SRGAP2: variants seen among roughly 807,000 people sequenced by gnomAD.
The protein encoded by SRGAP2 is SLIT-ROBO Rho GTPase activating protein 2, also known as SLIT-ROBO Rho GTPase-activating protein 2.
In SRGAP2, 15 loss-of-function variants were observed where a neutral mutation model predicts 57.2. The observed-to-expected ratio is 0.26, with a 90% CI of 0.18 to 0.40. The LOEUF is 0.40. SRGAP2 is among the 10% of genes least tolerant of loss of function. The pLI is 1.00. For synonymous variants in SRGAP2, 249 were observed against 248.0 expected, an observed-to-expected ratio of 1.00 and a Z score of -0.04; for missense variants, 520 against 669.6, an observed-to-expected ratio of 0.78 and a Z score of 2.47.
rs1374529758 is a variant in SRGAP2, at chr1:206,464,352, G to A, written c.*2932G>A. 5 of 152,648 alleles carry A rather than the reference G, an allele frequency of 3.3e-5. No individual in the cohort carries two copies. The highest frequency in any genetic ancestry group is 2.6e-4 in the Admixed American group (4 of 15,286). 9.5% of individuals were successfully genotyped at this position (152,648 alleles called of 1,614,324 possible). A position where few individuals can be genotyped will look rare whatever the true frequency, so the allele number is the denominator to read the frequency against. On this transcript the variant is annotated 3_prime_UTR_variant, in exon 23 of 23. Transcript: ENST00000573034. ...ATGTATGCTTGGAGATGCTTTGTGT[G>A]AACCTAAGACTGTCACTCAACAGAT... is the stretch of plus-strand genomic sequence containing the variant.
chr1:206,415,085 T>C (rs1158696487), intron 10 of SRGAP2, among the ~76,000 whole-genome samples: 7 of 152,218 alleles, frequency 4.6e-5, no homozygotes, highest in African/African-American at 1.4e-4. Flanking sequence ...AGTGCTCTCA[T>C]GTGTAAAATG....
At chr1:206,343,040 TG>T (rs200747107) in intron 4 of SRGAP2, 32 bp downstream of exon 4, 14,574 of 927,098 alleles carry the variant, frequency 0.016, 183 homozygotes, top group South Asian at 0.031. Flanking sequence ...CAGAGGTTCT[TG>T]GGTGGAGCAA....
chr1:206,204,839 C>CAATG (rs1665742814), intron 1 of SRGAP2: 1 of 132,852 alleles, frequency 7.5e-6, no homozygotes, highest in Admixed American at 7.3e-5. Context: ...AACCCGTTTC[C>CAATG]TGCTTCAGCT....
chr1:206,426,431 C>G (rs12070534), intron 13 of SRGAP2, among the ~76,000 whole-genome samples: 3,511 of 152,212 alleles, frequency 0.023, 55 homozygotes, highest in African/African-American at 0.039. Context: ...AGCAATAAAC[C>G]TGAGAGTGCA....
chr1:206,449,286 A>ATTTTTTTGTTTTTTTT (rs1489255492), intron 18 of SRGAP2, among the ~76,000 whole-genome samples: 2 of 110,680 alleles, frequency 1.8e-5, no homozygotes, highest in African/African-American at 3.7e-5. Flanking sequence ...ACACTGGATG[A>ATTTTTTTGTTTTTTTT]TTTTTTTTTT....
intron 10 of SRGAP2, among the ~76,000 whole-genome samples, chr1:206,411,919 C>T (rs549018967): frequency 5.0e-4 from 76 of 152,276 alleles, no homozygotes; most frequent in African/African-American, 1.8e-3. Context: ...TATAAAGGAA[C>T]ACCTTTCTGA....
intron 2 of SRGAP2, among the ~76,000 whole-genome samples, chr1:206,234,372 C>G (rs547622047): frequency 6.6e-6 from 1 of 152,162 alleles, no homozygotes; most frequent in Non-Finnish European, 1.5e-5. Context: ...GAGCACTGAG[C>G]CTCAGGCACT....
intron 4 of SRGAP2, among the ~76,000 whole-genome samples, chr1:206,376,611 GATT>G (rs1268417087): frequency 6.8e-6 from 1 of 147,130 alleles, no homozygotes; most frequent in Non-Finnish European, 1.5e-5. Flanking sequence ...ACTTTATGTG[GATT>G]ATCTCACTAT....
chr1:206,242,490 CT>C (rs1458617771), intron 2 of SRGAP2, among the ~76,000 whole-genome samples: 2 of 122,312 alleles, frequency 1.6e-5, no homozygotes, highest in Non-Finnish European at 3.4e-5. Flanking sequence ...ATAGTCTGGT[CT>C]AAAATATAAA....
chr1:206,372,956 TTTTCTTTCCTTTC>T lies in SRGAP2; in HGVS notation c.424-11049_424-11037del, dbSNP rs1239922926. ...CTTTCTTTCTTTCTTTCTTTCTTTCTTTTCTTTCCTTTCTTTCTTTCTTTCTTTCTTTCTTTCT... is the reference window on the plus strand; with the variant it reads ...CTTTCTTTCTTTCTTTCTTTCTTTCTTTTCTTTCTTTCTTTCTTTCTTTCT... On this transcript the variant is annotated intron_variant, in intron 4 of 22. Coordinates refer to ENST00000573034, the MANE Select transcript of SRGAP2 (RefSeq NM_015326.5). Among the ~76,000 whole-genome samples the T allele has an allele frequency of 4.3e-4, 4 of 9,230 alleles. 1 individual carries two copies. Among genetic ancestry groups the T allele is most frequent in the Non-Finnish European group, 8.0e-4 (4 of 5,018 alleles). The allele number at this position is 9,230 out of a possible 152,430, so 6.1% of individuals were successfully genotyped here. A position where few individuals can be genotyped will look rare whatever the true frequency, so the allele number is the denominator to read the frequency against.
intron 3 of SRGAP2, among the ~76,000 whole-genome samples, chr1:206,307,744 C>T (rs1160004629): frequency 3.3e-5 from 5 of 152,194 alleles, no homozygotes; most frequent in African/African-American, 1.2e-4. Context: ...CCGGCTGCTC[C>T]GAGTGCGGGG....
At chr1:206,252,290 C>T (rs1353171232) in intron 2 of SRGAP2, among the ~76,000 whole-genome samples, 7 of 151,452 alleles carry the variant, frequency 4.6e-5, no homozygotes, top group Admixed American at 2.0e-4. Context: ...TTTTTTTCCC[C>T]CAGTAACAGT....
chr1:206,443,096 T>C (rs1215478061), intron 17 of SRGAP2, among the ~76,000 whole-genome samples: 2 of 152,174 alleles, frequency 1.3e-5, no homozygotes, highest in African/African-American at 2.4e-5. Flanking sequence ...AAGTGCATGC[T>C]AAAAAGTAAG....
intron 4 of SRGAP2, among the ~76,000 whole-genome samples, chr1:206,363,454 A>T (rs1341792586): frequency 2.6e-5 from 4 of 152,228 alleles, no homozygotes; most frequent in Non-Finnish European, 5.9e-5. Flanking sequence ...TAAGCACAGT[A>T]CAATGATCAA....
At chr1:206,448,258 G>A (rs1337086890) in intron 18 of SRGAP2, among the ~76,000 whole-genome samples, 1 of 152,160 alleles carries the variant, frequency 6.6e-6, no homozygotes, top group Non-Finnish European at 1.5e-5. Context: ...AGAGCACCAG[G>A]CCACATGGCC....
At chr1:206,263,774 TAATA>T (rs1669713400) in intron 2 of SRGAP2, among the ~76,000 whole-genome samples, 1 of 152,142 alleles carries the variant, frequency 6.6e-6, no homozygotes, top group African/African-American at 2.4e-5. Context: ...GAGGGAGACA[TAATA>T]AATAAACAAA....
Position 206,463,854 on chromosome 1 carries a change from C to G in SRGAP2, c.*2434C>G, listed in dbSNP as rs964148179. 2 of 152,656 alleles carry G rather than the reference C, an allele frequency of 1.3e-5. No individual in the cohort carries two copies. The highest frequency in any genetic ancestry group is 6.5e-5 in the Admixed American group (1 of 15,284). 9.5% of individuals were successfully genotyped at this position (152,656 alleles called of 1,614,324 possible). On this transcript the variant is annotated 3_prime_UTR_variant, in exon 23 of 23. Transcript: ENST00000573034. ...GAGGTTGCACACTGTGATTTTTACA[C>G]CGAAAAGCCAAAAGGAGCTGGCCAT... is the stretch of plus-strand genomic sequence containing the variant.
chr1:206,305,924 T>A (rs1183600376), intron 3 of SRGAP2, among the ~76,000 whole-genome samples: 1 of 151,926 alleles, frequency 6.6e-6, no homozygotes, highest in African/African-American at 2.4e-5. Context: ...CTCTTTATGA[T>A]AAGAGAATCA....
At position 206,276,817 on chromosome 1, in the gene SRGAP2, C is replaced by T. The variant is rs1160070783; in HGVS notation, c.68-26464C>T. The stretch of plus-strand genomic sequence containing the variant: ...CTTTTATTTTGTTTTTAGGGTGGTG[C>T]CCTTCCCACAGGGAAGCAAGCTGCG... On this transcript the variant is annotated intron_variant, in intron 2 of 22. Coordinates refer to ENST00000573034, the MANE Select transcript of SRGAP2 (RefSeq NM_015326.5). Among the ~76,000 whole-genome samples the T allele has an allele frequency of 5.9e-5, 9 of 152,242 alleles. No homozygotes were observed. The East Asian group carries it at 1.7e-3, about 29-fold the overall frequency.
Sources: gnomAD v4.1 joint callset for allele counts (sites outside exome capture counted in the v4.1 genomes callset) on GRCh38, gnomAD v4.1.1 for gene constraint, MANE v1.5 for transcripts, NCBI Gene and HGNC (gene_info 2026-07-23, HGNC 2026-07-21) for gene names.